The following RNF24 variants were observed in gnomAD, a reference collection of about 807,000 sequenced individuals.
RNF24 encodes ring finger protein 24.
A neutral mutation model predicts 20.0 loss-of-function variants in RNF24; 14 were observed. The observed-to-expected ratio is 0.70, with a 90% CI of 0.46 to 1.10. RNF24 has a LOEUF of 1.10. RNF24 is among the 50% of genes least tolerant of loss of function. The probability of loss-of-function intolerance (pLI) is 0.00; values close to 1 mark genes in which losing one functional copy is unlikely to be tolerated. For synonymous variants in RNF24, 45 were observed against 61.1 expected (o/e 0.74, Z 1.23); for missense variants, 124 against 177.6 (o/e 0.70, Z 1.71).
At chr20:4,011,543 T>C (rs1267034938) in intron 1 of RNF24, among the ~76,000 whole-genome samples, 1 of 152,124 alleles carries the variant, frequency 6.6e-6, no homozygotes, top group Non-Finnish European at 1.5e-5. Flanking sequence ...AGCAGGACCA[T>C]CTCCTGGGGA....
At chr20:4,006,868 T>C (rs2122146252) in intron 1 of RNF24, among the ~76,000 whole-genome samples, 1 of 152,340 alleles carries the variant, frequency 6.6e-6, no homozygotes, top group Middle Eastern at 3.4e-3. Flanking sequence ...CCAGCTGGCA[T>C]GGAACAAAGT....
chr20:3,967,925 G>A lies in RNF24; in HGVS notation c.-7-3901C>T, dbSNP rs566874098. 1.4e-4 allele frequency among the ~76,000 whole-genome samples: 21 copies of A among 148,428 alleles called. 1 individual carries two copies. The South Asian group carries it at 4.0e-3, about 29-fold the overall frequency. On this transcript the variant is annotated intron_variant, in intron 1 of 5. Transcript: ENST00000358395. ...GGAGAATCCCTTGAACCATGGAGTC[G>A]GAAGTTGCAGTGAGCCGAGATTGCG...
intron 1 of RNF24, among the ~76,000 whole-genome samples, chr20:4,009,102 C>T (rs1982218698): frequency 1.3e-5 from 2 of 152,168 alleles, no homozygotes; most frequent in South Asian, 2.1e-4. Flanking sequence ...GAGTGGTAAA[C>T]AGGACAGATG....
At chr20:4,003,441 G>A (rs997242883) in intron 1 of RNF24, among the ~76,000 whole-genome samples, 4 of 152,098 alleles carry the variant, frequency 2.6e-5, no homozygotes, top group East Asian at 3.8e-4. Flanking sequence ...GCAATTCAAA[G>A]TAAACAGAAC....
Position 3,933,300 on chromosome 20 carries a change from C to G in RNF24, c.*763G>C. The G allele has an allele frequency of 7.5e-6, 3 of 397,748 alleles. No homozygotes were observed. Among genetic ancestry groups the G allele is most frequent in the Non-Finnish European group, 1.3e-5 (3 of 226,092 alleles). The allele number at this position is 397,748 out of a possible 1,614,324, so 24.6% of individuals were successfully genotyped here. On this transcript the variant is annotated 3_prime_UTR_variant, in exon 6 of 6. Transcript: ENST00000358395. ...GCAGCTACACTGGAACCACAGTGCA[C>G]ATGTGGGGATGTGGGCAGCCTCCTG...
chr20:4,005,245 G>A (rs996241610), intron 1 of RNF24, among the ~76,000 whole-genome samples: 2 of 152,122 alleles, frequency 1.3e-5, no homozygotes, highest in Admixed American at 6.6e-5. Context: ...TATATTTAAA[G>A]CTACTGGCAT....
chr20:3,967,662 A>T lies in RNF24; in HGVS notation c.-7-3638T>A, dbSNP rs372554757. On this transcript the variant is annotated intron_variant, in intron 1 of 5. Coordinates refer to ENST00000358395, the MANE Select transcript of RNF24 (RefSeq NM_001134337.3). Reference sequence around the variant, plus strand: ...GTTCCTGTTCCCTGGACAATACCATATCATCTTCCCAGGAGTCAATATTCT... The same window carrying T: ...GTTCCTGTTCCCTGGACAATACCATTTCATCTTCCCAGGAGTCAATATTCT... 5.6e-4 allele frequency among the ~76,000 whole-genome samples: 85 copies of T among 152,220 alleles called. 2 individuals carry two copies. The highest frequency in any genetic ancestry group is 2.0e-3 in the African/African-American group (84 of 41,544).
At chr20:3,938,805 C>G (rs2090921595) in intron 4 of RNF24, among the ~76,000 whole-genome samples, 1 of 152,084 alleles carries the variant, frequency 6.6e-6, no homozygotes, top group African/African-American at 2.4e-5. Flanking sequence ...CTGGTGCCAT[C>G]ATAGCTCACT....
In RNF24 at chr20:3,961,263, G is replaced by A. The variant is rs562155343; in HGVS notation, c.143+2612C>T. On this transcript the variant is annotated intron_variant, in intron 2 of 5. Transcript: ENST00000358395. ...CAAAAAATAAAAAAATTAGCTGGGT[G>A]TGGTGGTGGGTGTCTAGAGTCCCAG... Among the ~76,000 whole-genome samples, 74 of 152,200 alleles carry A rather than the reference G, an allele frequency of 4.9e-4. 1 individual carries two copies. The South Asian group carries it at 8.7e-3, about 18-fold the overall frequency.
chr20:4,008,216 G>A (rs186031510), intron 1 of RNF24, among the ~76,000 whole-genome samples: 3 of 143,522 alleles, frequency 2.1e-5, no homozygotes, highest in Admixed American at 1.5e-4. Context: ...AGAGAGGTTA[G>A]GAAACCTGCT....
intron 4 of RNF24, among the ~76,000 whole-genome samples, chr20:3,939,256 G>A (rs187437572): frequency 7.2e-5 from 11 of 152,234 alleles, no homozygotes; most frequent in South Asian, 6.2e-4. Flanking sequence ...GCCCCCTGAG[G>A]AGCTGGGATT....
intron 1 of RNF24, among the ~76,000 whole-genome samples, chr20:4,012,950 C>T (rs538820396): frequency 5.5e-4 from 84 of 151,796 alleles, no homozygotes; most frequent in African/African-American, 1.8e-3. Flanking sequence ...TCAAGACAGG[C>T]AGTTTATAAA....
At chr20:4,008,880 A>G (rs991943810) in intron 1 of RNF24, among the ~76,000 whole-genome samples, 6 of 152,138 alleles carry the variant, frequency 3.9e-5, no homozygotes, top group Non-Finnish European at 7.3e-5. Context: ...TTATGAAAGA[A>G]TGAAATGTAA....
chr20:3,936,418 T>TG lies in RNF24; in HGVS notation c.229-1346dup, dbSNP rs1226333635. On this transcript the variant is annotated intron_variant, in intron 4 of 5. Transcript: ENST00000358395. ...ACACACGGCTGTCATCAGCTCAGCT[T>TG]GGGGGGTAGGGTTAAGGACACAGTA... Among the ~76,000 whole-genome samples the TG allele has an allele frequency of 6.6e-5, 10 of 152,256 alleles. No individual in the cohort carries two copies. In the South Asian group the frequency reaches 8.3e-4, roughly 13 times the overall value.
intron 1 of RNF24, among the ~76,000 whole-genome samples, chr20:3,966,125 T>C (rs1471578322): frequency 2.0e-5 from 2 of 99,128 alleles, no homozygotes; most frequent in Admixed American, 2.9e-4. Context: ...CAGAGCGAGA[T>C]TCCATCTCAA....
chr20:3,978,961 C>T (rs1171937377), intron 1 of RNF24, among the ~76,000 whole-genome samples: 1 of 151,760 alleles, frequency 6.6e-6, no homozygotes, highest in Non-Finnish European at 1.5e-5. Flanking sequence ...CAAACATTAG[C>T]CAGGCGCGGT....
chr20:3,996,285 A>G (rs1410463152), intron 1 of RNF24, among the ~76,000 whole-genome samples: 1 of 152,240 alleles, frequency 6.6e-6, no homozygotes, highest in Admixed American at 6.5e-5. Context: ...AAATATATTT[A>G]GCAGGTTTCT....
At chr20:3,990,680 T>TA (rs1186278971) in intron 1 of RNF24, among the ~76,000 whole-genome samples, 1 of 151,906 alleles carries the variant, frequency 6.6e-6, no homozygotes, top group East Asian at 1.9e-4. Flanking sequence ...CCAACACAGT[T>TA]AAAAAAATAA....
In RNF24 at chr20:3,930,393, G is replaced by A. The variant is rs946330902; in HGVS notation, c.*3670C>T. 1.3e-5 allele frequency: 2 copies of A among 152,222 alleles called. No homozygotes were observed. Among genetic ancestry groups the A allele is most frequent in the African/African-American group, 4.8e-5 (2 of 41,436 alleles). 9.4% of individuals were successfully genotyped at this position (152,222 alleles called of 1,614,324 possible). ...CAATCATGATGGCAGAGGAGCCCAT[G>A]TAACCCAGATGATGTTATGTGGTAT... On this transcript the variant is annotated 3_prime_UTR_variant, in exon 6 of 6. Transcript: ENST00000358395.
Sources: allele counts gnomAD v4.1 joint callset (sites outside exome capture counted in the v4.1 genomes callset), GRCh38; gene constraint gnomAD v4.1.1; transcripts MANE v1.5; gene names NCBI Gene and HGNC (gene_info 2026-07-23, HGNC 2026-07-21).